Variants in QTRT1 observed in about 807,000 individuals in gnomAD.
QTRT1 encodes TGT, 43-KD subunit.
QTRT1 carries 41 observed loss-of-function variants against 44.0 expected under a neutral mutation model. The ratio of observed to expected loss-of-function variants is 0.93; its 90% confidence interval spans 0.73 to 1.21. QTRT1 has a LOEUF of 1.21. Among genes scored for constraint, QTRT1 ranks in the 50% most tolerant of loss-of-function variants. The pLI, the probability that QTRT1 is intolerant of heterozygous loss-of-function variation, is 0.00. For synonymous variants in QTRT1, 226 were observed against 237.1 expected (o/e 0.95, Z 0.43); for missense variants, 542 against 575.8 (o/e 0.94, Z 0.60).
intron 5 of QTRT1, among the ~76,000 whole-genome samples, chr19:10,708,050 C>T (rs1465778595): frequency 8.6e-5 from 13 of 151,778 alleles, no homozygotes; most frequent in African/African-American, 2.7e-4. Flanking sequence ...CTGCAACCTC[C>T]GCCTCCCGGG....
intron 5 of QTRT1, among the ~76,000 whole-genome samples, chr19:10,710,378 A>G (rs62130043): frequency 0.75 from 113,260 of 151,676 alleles, 43,130 homozygotes; most frequent in African/African-American, 0.89. Context: ...GTGCAGTGGC[A>G]CCATCTCGGC....
intron 3 of QTRT1, among the ~76,000 whole-genome samples, chr19:10,703,787 G>A (rs918241643): frequency 2.0e-5 from 3 of 151,938 alleles, no homozygotes; most frequent in African/African-American, 4.8e-5. Context: ...CCAAAGTGCT[G>A]GGATTACAGG....
chr19:10,709,619 G>A (rs1007845414), intron 5 of QTRT1, among the ~76,000 whole-genome samples: 4 of 152,030 alleles, frequency 2.6e-5, no homozygotes, highest in African/African-American at 7.2e-5. Context: ...AGGCTGAGGC[G>A]GGCAAATCAT....
At position 10,713,294 on chromosome 19, in the gene QTRT1, G is replaced by C; in HGVS notation, c.*24G>C. 6.3e-7 allele frequency: 1 copy of C among 1,578,762 alleles called. No homozygotes were observed. Among genetic ancestry groups the C allele is most frequent in the Non-Finnish European group, 8.6e-7 (1 of 1,164,624 alleles). ...GACCTGGCATTGGGAGAGGGAGGGAGGAAGGAAGGGAGGGAGGGGCTGGAA... is the reference window on the plus strand; with the variant it reads ...GACCTGGCATTGGGAGAGGGAGGGACGAAGGAAGGGAGGGAGGGGCTGGAA... On this transcript the variant is annotated 3_prime_UTR_variant, in exon 10 of 10. Transcript: ENST00000250237. This position sits in a 1 kb window ranked among gnomAD's most constrained non-coding sequence, Gnocchi z 4.3.
At chr19:10,706,084 G>A (rs1318671589) in intron 3 of QTRT1, among the ~76,000 whole-genome samples, 3 of 146,388 alleles carry the variant, frequency 2.0e-5, no homozygotes, top group African/African-American at 7.6e-5. Flanking sequence ...TCAATCTCCT[G>A]ACCTGGTGAT....
intron 1 of QTRT1, 86 bp from the exon 2 acceptor site, chr19:10,701,864 G>A: frequency 6.3e-7 from 1 of 1,579,688 alleles, no homozygotes; most frequent in Non-Finnish European, 8.7e-7. Context: ...GAGCAGCAGG[G>A]ACTAAAGCTG....
intron 3 of QTRT1, among the ~76,000 whole-genome samples, chr19:10,705,427 C>T (rs1396392955): frequency 4.0e-5 from 6 of 151,710 alleles, no homozygotes; most frequent in Middle Eastern, 3.4e-3. Context: ...TTAGTAGAGA[C>T]GGGGTTTCAC....
At position 10,712,602 on chromosome 19, in the gene QTRT1, G is replaced by T. The variant is rs1172206723; in HGVS notation, c.835G>T (p.Asp279Tyr). 3 of 1,612,522 alleles carry T rather than the reference G, an allele frequency of 1.9e-6. No homozygotes were observed. The highest frequency in any genetic ancestry group is 1.7e-6 in the Non-Finnish European group (2 of 1,179,680). ...CGTGGCTCTTGGATGTGACATGTTC[G>T]ACTGCGTCTTCCCCACACGGACAGC... ...VCVALGCDMF[D>Y]CVFPTRTARF... Residue 279 changes from aspartate to tyrosine, a missense_variant, in exon 7 of 10, where the codon GAC (aspartate) becomes TAC (tyrosine). Transcript: ENST00000250237. This position sits in a 1 kb window ranked among gnomAD's most constrained non-coding sequence, Gnocchi z 5.6.
intron 3 of QTRT1, among the ~76,000 whole-genome samples, chr19:10,706,047 G>T (rs766474129): frequency 1.3e-5 from 2 of 149,358 alleles, no homozygotes; most frequent in African/African-American, 4.9e-5. Context: ...GCAGAGACAG[G>T]GTTTCACTGT....
At position 10,705,567 on chromosome 19, in the gene QTRT1, G is replaced by T. The variant is rs957942081; in HGVS notation, c.452-1735G>T. 2.7e-5 allele frequency among the ~76,000 whole-genome samples: 4 copies of T among 150,040 alleles called. No individual in the cohort carries two copies. In the South Asian group the frequency reaches 6.3e-4, roughly 24 times the overall value. On this transcript the variant is annotated intron_variant, in intron 3 of 9. Coordinates refer to ENST00000250237, the MANE Select transcript of QTRT1 (RefSeq NM_031209.3). ...TTTTTCTTTTTTGAGACACAATCTC[G>T]CTCTGTCACCCGGGCTGGAGTACTG... is the stretch of plus-strand genomic sequence containing the variant.
chr19:10,708,009 G>A (rs1235037397), intron 5 of QTRT1, among the ~76,000 whole-genome samples: 3 of 150,606 alleles, frequency 2.0e-5, no homozygotes, highest in Non-Finnish European at 4.4e-5. Context: ...GTGCTGTGGC[G>A]CGATCTCGGC....
In QTRT1 at chr19:10,712,576, G is replaced by C; in HGVS notation, c.809G>C (p.Cys270Ser). 1.2e-6 allele frequency: 2 copies of C among 1,613,922 alleles called. No homozygotes were observed. The highest frequency in any genetic ancestry group is 2.2e-5 in the East Asian group (1 of 44,874). ...GVGYATDLVV[C>S]VALGCDMFDC... ...AGCTATGCCACTGATCTGGTAGTCT[G>C]CGTGGCTCTTGGATGTGACATGTTC... Residue 270 changes from cysteine to serine, a missense_variant, in exon 7 of 10, where the codon TGC becomes TCC. Coordinates refer to ENST00000250237, the MANE Select transcript of QTRT1 (RefSeq NM_031209.3). The surrounding 1 kb of genome is among the most constrained non-coding windows in gnomAD (Gnocchi z 5.6).
In QTRT1 at chr19:10,707,600, G is replaced by C. The variant is rs2068720192; in HGVS notation, c.631G>C (p.Ala211Pro). 1 of 1,605,530 alleles carries C rather than the reference G, an allele frequency of 6.2e-7. No homozygotes were observed. Among genetic ancestry groups the C allele is most frequent in the Non-Finnish European group, 8.5e-7 (1 of 1,176,284 alleles). ...IQGGLDADLRATCLEEMTKRD... is the reference protein window; with the variant it reads ...IQGGLDADLRPTCLEEMTKRD... The stretch of plus-strand genomic sequence containing the variant: ...GGGTGGGCTGGACGCAGATCTCCGG[G>C]CCACCTGCCTTGAAGGTAGAGCCAT... Residue 211 changes from alanine to proline, a missense_variant, in exon 5 of 10, where the codon GCC becomes CCC. Transcript: ENST00000250237.
At chr19:10,703,575 G>C (rs556195722) in intron 3 of QTRT1, among the ~76,000 whole-genome samples, 19 of 152,188 alleles carry the variant, frequency 1.2e-4, no homozygotes, top group African/African-American at 3.4e-4. Context: ...TTTGGGAGGC[G>C]GAGGCGCGAT....
intron 1 of QTRT1, 59 bp from the exon 2 acceptor site, chr19:10,701,891 A>G: frequency 6.3e-7 from 1 of 1,599,694 alleles, no homozygotes; most frequent in Non-Finnish European, 8.6e-7. Context: ...TCTGTCTCCC[A>G]AGAAGGGCCC....
At chr19:10,707,405 TGG>T in intron 4 of QTRT1, 25 bp downstream of exon 4, 1 of 1,611,862 alleles carries the variant, frequency 6.2e-7, no homozygotes, top group Non-Finnish European at 8.5e-7. Flanking sequence ...TGTGCATGTG[TGG>T]GATATGTGGT....
Position 10,702,152 on chromosome 19 carries a change from C to G in QTRT1, c.349C>G (p.Leu117Val), listed in dbSNP as rs139560362. Reference sequence around the variant, plus strand: ...TTTCCAGATGGTGTCGCTGGTGTCTCTGTCCGAGGTGACGGAGGAGGGCGT... The same window carrying G: ...TTTCCAGATGGTGTCGCTGGTGTCTGTGTCCGAGGTGACGGAGGAGGGCGT... ...GGFQMVSLVS[L>V]SEVTEEGVRF... The change falls in exon 3 of 10, where the codon CTG (leucine) becomes GTG (valine). Residue 117 changes from leucine to valine, a missense_variant. By Grantham distance (32) the Leu-to-Val change is conservative. Coordinates refer to ENST00000250237, the MANE Select transcript of QTRT1 (RefSeq NM_031209.3). The G allele has an allele frequency of 7.4e-6, 12 of 1,614,128 alleles. No individual in the cohort carries two copies. The East Asian group carries it at 8.9e-5, about 12-fold the overall frequency.
chr19:10,708,172 C>T (rs775063244), intron 5 of QTRT1, among the ~76,000 whole-genome samples: 23 of 151,604 alleles, frequency 1.5e-4, no homozygotes, highest in South Asian at 4.2e-4. Flanking sequence ...ACCATTTTGG[C>T]CAGGCTGGTT....
At chr19:10,705,982 G>C (rs1312631399) in intron 3 of QTRT1, among the ~76,000 whole-genome samples, 1 of 149,034 alleles carries the variant, frequency 6.7e-6, no homozygotes. Flanking sequence ...CAGTTCCCGA[G>C]TAGCTGGGAC....
Sources: allele counts gnomAD v4.1 joint callset (sites outside exome capture counted in the v4.1 genomes callset), GRCh38; gene constraint gnomAD v4.1.1; non-coding constraint Gnocchi (gnomAD v3.1); transcripts MANE v1.5; gene names NCBI Gene and HGNC (gene_info 2026-07-23, HGNC 2026-07-21).